SESN1: variants seen among roughly 807,000 people sequenced by gnomAD.
The protein encoded by SESN1 is sestrin-1.
A neutral mutation model predicts 59.3 loss-of-function variants in SESN1; 30 were observed. The ratio of observed to expected loss-of-function variants is 0.51; its 90% CI spans 0.38 to 0.69. The LOEUF is 0.69. Among genes scored for constraint, SESN1 ranks in the 30% least tolerant of loss-of-function variants. The probability of loss-of-function intolerance (pLI) is 0.00; values close to 1 mark genes in which losing one functional copy is unlikely to be tolerated. For synonymous variants in SESN1, 197 were observed against 219.9 expected, an observed-to-expected ratio of 0.90 and a Z score of 0.92; for missense variants, 566 against 673.0, an observed-to-expected ratio of 0.84 and a Z score of 1.76.
In SESN1 at chr6:108,987,490, T is replaced by G; in HGVS notation, c.*54A>C. ...GTCCTGGGGCTTAGTACCTTCCCCC[T>G]TGTAGACTATATCTGCTGATCATTC... On this transcript the variant is annotated 3_prime_UTR_variant, in exon 10 of 10. Coordinates refer to ENST00000436639, the MANE Select transcript of SESN1 (RefSeq NM_014454.3). The G allele has an allele frequency of 3.0e-6, 3 of 999,132 alleles. No individual in the cohort carries two copies. Among genetic ancestry groups the G allele is most frequent in the Non-Finnish European group, 4.7e-6 (3 of 635,072 alleles). The allele number at this position is 999,132 out of a possible 1,614,324, so 61.9% of individuals were successfully genotyped here.
chr6:108,996,975 A>G (rs1779512164), intron 5 of SESN1, among the ~76,000 whole-genome samples: 2 of 148,688 alleles, frequency 1.3e-5, no homozygotes, highest in Non-Finnish European at 3.0e-5. Context: ...ACTATATAAC[A>G]TTCTGGAAAA....
At chr6:109,017,022 A>ATATATTT (rs1206274317) in intron 1 of SESN1, among the ~76,000 whole-genome samples, 1 of 151,988 alleles carries the variant, frequency 6.6e-6, no homozygotes, top group East Asian at 1.9e-4. Context: ...CTATTATTTT[A>ATATATTT]TATATTTTAT....
In SESN1 at chr6:108,987,404, A is replaced by AAT; in HGVS notation, c.*138_*139dup. 1.8e-6 allele frequency: 1 copy of AAT among 541,186 alleles called. No homozygotes were observed. 33.5% of individuals were successfully genotyped at this position (541,186 alleles called of 1,614,324 possible). On this transcript the variant is annotated 3_prime_UTR_variant, in exon 10 of 10. Transcript: ENST00000436639. ...TGCCAGCAGTGGTTTTCCACAGAAA[A>AAT]ATAGCAGAAACTAAAGGAATCATGG...
intron 1 of SESN1, among the ~76,000 whole-genome samples, chr6:109,045,000 GCAA>G (rs1780402983): frequency 6.6e-6 from 1 of 151,236 alleles, no homozygotes; most frequent in African/African-American, 2.4e-5. Context: ...TCCATCCTGG[GCAA>G]CAAGAGCGAG....
intron 1 of SESN1, among the ~76,000 whole-genome samples, chr6:109,071,741 T>C (rs1258813140): frequency 6.6e-6 from 1 of 152,170 alleles, no homozygotes; most frequent in Non-Finnish European, 1.5e-5. Flanking sequence ...AGAATGTGTC[T>C]TGTACTCACT....
chr6:109,063,470 T>A (rs1188408820), intron 1 of SESN1, among the ~76,000 whole-genome samples: 1 of 152,140 alleles, frequency 6.6e-6, no homozygotes, highest in Non-Finnish European at 1.5e-5. Context: ...GATGTGGAAA[T>A]GTTCATGGAG....
In SESN1 at chr6:109,055,412, C is replaced by T. The variant is rs566606825; in HGVS notation, c.279+38383G>A. Among the ~76,000 whole-genome samples, 4 of 152,060 alleles carry T rather than the reference C, an allele frequency of 2.6e-5. No homozygotes were observed. The South Asian group carries it at 6.2e-4, about 24-fold the overall frequency. ...GTGCAGTGGCTCATGCCTGTAATCC[C>T]AGCCCTTTGAGGGGCTGAGGTGGGT... On this transcript the variant is annotated intron_variant, in intron 1 of 9. Coordinates refer to ENST00000436639, the MANE Select transcript of SESN1 (RefSeq NM_014454.3).
At chr6:109,068,721 C>T (rs1344747037) in intron 1 of SESN1, among the ~76,000 whole-genome samples, 4 of 133,502 alleles carry the variant, frequency 3.0e-5, no homozygotes, top group African/African-American at 5.5e-5. Flanking sequence ...ATTTCCTGGG[C>T]TTTTTTTTTT....
chr6:109,077,197 T>C (rs1781045842), intron 1 of SESN1, among the ~76,000 whole-genome samples: 1 of 152,246 alleles, frequency 6.6e-6, no homozygotes, highest in Non-Finnish European at 1.5e-5. Context: ...GACTGTACTG[T>C]ATCACCCTAC....
intron 1 of SESN1, among the ~76,000 whole-genome samples, chr6:109,089,032 C>T (rs1235659728): frequency 1.3e-5 from 2 of 151,756 alleles, no homozygotes; most frequent in Non-Finnish European, 2.9e-5. Flanking sequence ...GGGGTATAAA[C>T]AAAAGATGCT....
chr6:109,004,455 G>C (rs62427212), intron 1 of SESN1, among the ~76,000 whole-genome samples: 1 of 146,262 alleles, frequency 6.8e-6, no homozygotes, highest in Admixed American at 6.8e-5. Context: ...TTTTTTTTTG[G>C]AGACAGAGTC....
At chr6:109,001,104 G>C (rs1779611233) in intron 3 of SESN1, among the ~76,000 whole-genome samples, 184 bp downstream of exon 3, 1 of 152,088 alleles carries the variant, frequency 6.6e-6, no homozygotes, top group Admixed American at 6.6e-5. Context: ...ATAAATACTT[G>C]CTTCTTTTTC....
chr6:109,057,980 T>G (rs1316120446), intron 1 of SESN1, among the ~76,000 whole-genome samples: 2 of 152,108 alleles, frequency 1.3e-5, no homozygotes, highest in South Asian at 2.1e-4. Context: ...CACATAATGA[T>G]GTTTCAGTCA....
chr6:109,058,037 C>CTT (rs11415303), intron 1 of SESN1, among the ~76,000 whole-genome samples: 47 of 146,408 alleles, frequency 3.2e-4, no homozygotes, highest in African/African-American at 1.0e-3. Flanking sequence ...TGTACAGTAA[C>CTT]TTTTTTTTTT....
intron 1 of SESN1, among the ~76,000 whole-genome samples, chr6:109,057,519 C>T (rs1287154739): frequency 1.3e-5 from 2 of 152,176 alleles, no homozygotes; most frequent in Admixed American, 1.3e-4. Flanking sequence ...CTGACATACT[C>T]AACAATTCCC....
intron 1 of SESN1, among the ~76,000 whole-genome samples, chr6:109,067,424 G>C (rs1780852122): frequency 6.6e-6 from 1 of 152,140 alleles, no homozygotes; most frequent in African/African-American, 2.4e-5. Context: ...GTAAAAATAG[G>C]AGAGAAAATT....
intron 1 of SESN1, among the ~76,000 whole-genome samples, chr6:109,014,718 C>A (rs978867181): frequency 1.3e-5 from 2 of 152,086 alleles, no homozygotes; most frequent in African/African-American, 4.8e-5. Flanking sequence ...TCTGTCACTC[C>A]TCTCAGTGTC....
chr6:109,000,450 A>G, intron 4 of SESN1, 41 bp downstream of exon 4: 1 of 1,388,364 alleles, frequency 7.2e-7, no homozygotes, highest in Non-Finnish European at 9.5e-7. Flanking sequence ...GCTCTAAAAA[A>G]GTCTGAAATG....
At chr6:109,065,469 C>G (rs1332074090) in intron 1 of SESN1, among the ~76,000 whole-genome samples, 1 of 151,988 alleles carries the variant, frequency 6.6e-6, no homozygotes, top group Non-Finnish European at 1.5e-5. Context: ...TAAAAATCAC[C>G]TGATTGTCCC....
Sources: allele counts gnomAD v4.1 joint callset (sites outside exome capture counted in the v4.1 genomes callset), GRCh38; gene constraint gnomAD v4.1.1; transcripts MANE v1.5; gene names NCBI Gene and HGNC (gene_info 2026-07-23, HGNC 2026-07-21).